Variants in VWA7 observed in about 807,000 individuals in gnomAD.
VWA7 encodes the protein von Willebrand factor A domain containing 7.
In VWA7, 66 loss-of-function variants were observed where a neutral mutation model predicts 83.1. The ratio of observed to expected loss-of-function variants is 0.79; its 90% CI spans 0.65 to 0.98. VWA7 has a LOEUF of 0.98. VWA7 is among the 50% of genes least tolerant of loss of function. VWA7 has a pLI of 0.00. For missense variants in VWA7, 1,080 were observed against 1,160.2 expected (o/e 0.93, Z 1.00); for synonymous variants, 424 against 488.5 (o/e 0.87, Z 1.74).
chr6:31,774,151 T>C (rs1304392168), intron 5 of VWA7, among the ~76,000 whole-genome samples: 3 of 75,602 alleles, frequency 4.0e-5, no homozygotes, highest in African/African-American at 1.6e-4. Flanking sequence ...CAAAACTCCA[T>C]CTCAAAAAAA....
In VWA7 at chr6:31,769,849, G is replaced by A; in HGVS notation, c.1201-58C>T. ...TGGCAGTAGGAGGGGAATGGGTAGA[G>A]CCACGGAGGATGAAGCAGAAGGGAA... On this transcript the variant is annotated intron_variant, in intron 8 of 16. Transcript: ENST00000375688. This position sits in a 1 kb window ranked among gnomAD's most constrained non-coding sequence, Gnocchi z 4.5. 5 of 1,545,050 alleles carry A rather than the reference G, an allele frequency of 3.2e-6. No individual in the cohort carries two copies. The highest frequency in any genetic ancestry group is 4.5e-6 in the Non-Finnish European group (5 of 1,118,810).
In VWA7 at chr6:31,772,887, C is replaced by A. The variant is rs1324781348; in HGVS notation, c.1087+67G>T. 3 of 1,540,634 alleles carry A rather than the reference C, an allele frequency of 1.9e-6. No individual in the cohort carries two copies. The African/African-American group carries it at 4.1e-5, about 21-fold the overall frequency. On this transcript the variant is annotated intron_variant, in intron 7 of 16. Coordinates refer to ENST00000375688, the MANE Select transcript of VWA7 (RefSeq NM_025258.3). ...GTGCTGGGATTACAGGCGTGAGCCA[C>A]CACGCCCAGTCTATCCCTTACCTTG...
In VWA7 at chr6:31,775,438, G is replaced by A. The variant is rs550783130; in HGVS notation, c.514-9C>T. The stretch of plus-strand genomic sequence containing the variant: ...CTATGACTGTAGAAATCCTGGTCCG[G>A]AGGACAGGAGAAGGGGAGTGAGGCA... On this transcript the variant is annotated splice_polypyrimidine_tract_variant and intron_variant, in intron 3 of 16. Transcript: ENST00000375688. This position sits in a 1 kb window ranked among gnomAD's most constrained non-coding sequence, Gnocchi z 5.9. 3.9e-5 allele frequency: 63 copies of A among 1,609,698 alleles called. No homozygotes were observed. The East Asian group carries it at 1.3e-3, about 33-fold the overall frequency.
chr6:31,775,443 CAGG>C lies in VWA7; in HGVS notation c.514-17_514-15del, dbSNP rs1173112408. ...ACTGTAGAAATCCTGGTCCGGAGGACAGGAGAAGGGGAGTGAGGCACTAGTCTG... is the reference window on the plus strand; with the variant it reads ...ACTGTAGAAATCCTGGTCCGGAGGACAGAAGGGGAGTGAGGCACTAGTCTG... On this transcript the variant is annotated splice_polypyrimidine_tract_variant and intron_variant, in intron 3 of 16. Coordinates refer to ENST00000375688, the MANE Select transcript of VWA7 (RefSeq NM_025258.3). The surrounding 1 kb of genome is among the most constrained non-coding windows in gnomAD (Gnocchi z 5.9). 4 of 1,609,008 alleles carry C rather than the reference CAGG, an allele frequency of 2.5e-6. No individual in the cohort carries two copies. The African/African-American group carries it at 5.3e-5, about 22-fold the overall frequency.
Position 31,769,130 on chromosome 6 carries a change from C to T in VWA7, c.1391G>A (p.Arg464His), listed in dbSNP as rs747940515. 9.3e-6 allele frequency: 15 copies of T among 1,612,996 alleles called. No homozygotes were observed. Among genetic ancestry groups the T allele is most frequent in the African/African-American group, 6.7e-5 (5 of 74,936 alleles). ...RARREILSPLRFEPYKAVALA... is the reference protein window; with the variant it reads ...RARREILSPLHFEPYKAVALA... ...GGCCACTGCTTTGTATGGCTCAAAA[C>T]GCAGAGGGGACAAGATCTCACGCCG... The change falls in exon 10 of 17, where the codon CGT (arginine) becomes CAT (histidine). Residue 464 changes from arginine (R) to histidine (H), a missense_variant. By Grantham distance (29) the Arg-to-His change is conservative. Coordinates refer to ENST00000375688, the MANE Select transcript of VWA7 (RefSeq NM_025258.3). This position sits in a 1 kb window ranked among gnomAD's most constrained non-coding sequence, Gnocchi z 4.5.
rs771237400 is a variant in VWA7 at position 31,766,791 on chromosome 6, C to T, written c.1883-27G>A. On this transcript the variant is annotated intron_variant, in intron 13 of 16. Transcript: ENST00000375688. The surrounding 1 kb of genome is among the most constrained non-coding windows in gnomAD (Gnocchi z 4.9). ...TGGGACAGGGGCGAGGAGGGGAGAA[C>T]ATTGTGAGATTCGGAGACACAGGGA... The T allele has an allele frequency of 1.4e-5, 22 of 1,574,870 alleles. No homozygotes were observed. The highest frequency in any genetic ancestry group is 9.5e-5 in the African/African-American group (7 of 73,828).
chr6:31,769,131 G>A lies in VWA7; in HGVS notation c.1390C>T (p.Arg464Cys), dbSNP rs375299130. ...GCCACTGCTTTGTATGGCTCAAAAC[G>A]CAGAGGGGACAAGATCTCACGCCGA... is the stretch of plus-strand genomic sequence containing the variant. ...RARREILSPL[R>C]FEPYKAVALA... Residue 464 changes from arginine to cysteine, a missense_variant, in exon 10 of 17, where the codon CGT becomes TGT. Arg to Cys is a radical substitution (Grantham distance 180). Coordinates refer to ENST00000375688, the MANE Select transcript of VWA7 (RefSeq NM_025258.3). This position sits in a 1 kb window ranked among gnomAD's most constrained non-coding sequence, Gnocchi z 4.5. 10 of 1,612,948 alleles carry A rather than the reference G, an allele frequency of 6.2e-6. No individual in the cohort carries two copies. The highest frequency in any genetic ancestry group is 4.0e-5 in the African/African-American group (3 of 74,912).
chr6:31,767,292 A>AT, intron 12 of VWA7, 42 bp from the exon 13 acceptor site: 1 of 1,612,838 alleles, frequency 6.2e-7, no homozygotes, highest in Non-Finnish European at 8.5e-7. Flanking sequence ...CCTGAAAGGA[A>AT]TGTGACTGAT....
rs1421303473 is a variant in VWA7 at position 31,776,519 on chromosome 6, G to A, written c.234+27C>T. 1 of 1,520,076 alleles carries A rather than the reference G, an allele frequency of 6.6e-7. No homozygotes were observed. Among genetic ancestry groups the A allele is most frequent in the Non-Finnish European group, 8.9e-7 (1 of 1,126,206 alleles). 94.2% of individuals were successfully genotyped at this position (1,520,076 alleles called of 1,614,324 possible). On this transcript the variant is annotated intron_variant, in intron 2 of 16. Coordinates refer to ENST00000375688, the MANE Select transcript of VWA7 (RefSeq NM_025258.3). The surrounding 1 kb of genome is among the most constrained non-coding windows in gnomAD (Gnocchi z 6.2). The stretch of plus-strand genomic sequence containing the variant: ...CCATGGAATTGGGGACTCTGGCAGG[G>A]GTGTGACAGGACCCTGGGATGCTCA...
Position 31,776,050 on chromosome 6 carries a change from C to G in VWA7, c.427G>C (p.Ala143Pro), listed in dbSNP as rs1212255224. The stretch of plus-strand genomic sequence containing the variant: ...GCTGCCACCACGGTCTCCCGCAGAG[C>G]CCCTACCAGGCGCGCGCGTCCCTGA... ...LGQGRARLVG[A>P]LRETVVAARA... is the part of the protein sequence containing the mutation. Residue 143 changes from alanine (A) to proline (P), a missense_variant, in exon 3 of 17, where the codon GCT (alanine) becomes CCT (proline). Physicochemically the swap from Ala to Pro is conservative, Grantham distance 27. Transcript: ENST00000375688. This position sits in a 1 kb window ranked among gnomAD's most constrained non-coding sequence, Gnocchi z 6.2. 1 of 1,613,638 alleles carries G rather than the reference C, an allele frequency of 6.2e-7. No individual in the cohort carries two copies. Among genetic ancestry groups the G allele is most frequent in the Non-Finnish European group, 8.5e-7 (1 of 1,180,026 alleles).
rs906303524 is a variant in VWA7, at chr6:31,770,051, G to A, written c.1150C>T (p.His384Tyr). Residue 384 changes from histidine to tyrosine, a missense_variant, in exon 8 of 17, where the codon CAT (histidine) becomes TAT (tyrosine). Transcript: ENST00000375688. Reference sequence around the variant, plus strand: ...GGCTCGTCTCCACCCCCCAAGGCATGGATCTCATTAAGCTGTTGCCAGAAG... The same window carrying A: ...GGCTCGTCTCCACCCCCCAAGGCATAGATCTCATTAAGCTGTTGCCAGAAG... ...DSFWQQLNEIHALGGGDEPEM... is the reference protein window; with the variant it reads ...DSFWQQLNEIYALGGGDEPEM... The A allele has an allele frequency of 1.2e-6, 2 of 1,612,776 alleles. No individual in the cohort carries two copies. The highest frequency in any genetic ancestry group is 2.7e-5 in the African/African-American group (2 of 74,850).
Position 31,766,152 on chromosome 6 carries a change from T to A in VWA7, c.2324+93A>T. The A allele has an allele frequency of 6.3e-7, 1 of 1,593,298 alleles. No individual in the cohort carries two copies. The highest frequency in any genetic ancestry group is 1.7e-5 in the Admixed American group (1 of 58,004). On this transcript the variant is annotated intron_variant, in intron 15 of 16. Coordinates refer to ENST00000375688, the MANE Select transcript of VWA7 (RefSeq NM_025258.3). The surrounding 1 kb of genome is among the most constrained non-coding windows in gnomAD (Gnocchi z 4.9). The stretch of plus-strand genomic sequence containing the variant: ...GGCACGGGAGCGGAGAGGAGGATTC[T>A]GAGGGCCAGTCGGAGGGGGACAGGG...
rs756674054 is a variant in VWA7 at position 31,774,638 on chromosome 6, G to T, written c.611-12C>A. On this transcript the variant is annotated splice_polypyrimidine_tract_variant and intron_variant, in intron 4 of 16. Transcript: ENST00000375688. Reference sequence around the variant, plus strand: ...GGTAGGATCGGCCACTGGGAAGAGAGGGCAGGGCTAGAACCCAAGATTCTG... The same window carrying T: ...GGTAGGATCGGCCACTGGGAAGAGATGGCAGGGCTAGAACCCAAGATTCTG... 6.2e-7 allele frequency: 1 copy of T among 1,609,100 alleles called. No homozygotes were observed. The highest frequency in any genetic ancestry group is 8.5e-7 in the Non-Finnish European group (1 of 1,177,878).
rs1812667815 is a variant in VWA7 at position 31,776,148 on chromosome 6, G to A, written c.329C>T (p.Ala110Val). 2 of 1,613,956 alleles carry A rather than the reference G, an allele frequency of 1.2e-6. No homozygotes were observed. The highest frequency in any genetic ancestry group is 1.3e-5 in the African/African-American group (1 of 74,922). ...TGGCAGGAAGTCCTGGGCTGCATTG[G>A]CACGAGACACCTCACCTAAGGCTGC... ...FRAALGEVSR[A>V]NAAQDFLPTS... is the part of the protein sequence containing the mutation. The change falls in exon 3 of 17, where the codon GCC becomes GTC. Residue 110 changes from alanine to valine, a missense_variant. Coordinates refer to ENST00000375688, the MANE Select transcript of VWA7 (RefSeq NM_025258.3). This position sits in a 1 kb window ranked among gnomAD's most constrained non-coding sequence, Gnocchi z 6.2.
intron 7 of VWA7, 64 bp downstream of exon 7, chr6:31,772,890 C>T (rs903737688): frequency 1.5e-5 from 24 of 1,549,624 alleles, no homozygotes; most frequent in East Asian, 4.5e-5. Context: ...TGAGCCACCA[C>T]GCCCAGTCTA....
At chr6:31,768,576 C>T (rs534238034) in intron 10 of VWA7, among the ~76,000 whole-genome samples, 83 of 152,196 alleles carry the variant, frequency 5.5e-4, no homozygotes, top group Non-Finnish European at 8.2e-4. Flanking sequence ...TGGTGGCTCG[C>T]GCCTGTAATC....
chr6:31,772,879 G>A (rs1011893138), intron 7 of VWA7, 75 bp downstream of exon 7: 574 of 1,528,972 alleles, frequency 3.8e-4, no homozygotes, highest in Non-Finnish European at 4.7e-4. Context: ...GATTACAGGC[G>A]TGAGCCACCA....
Position 31,775,674 on chromosome 6 carries a change from G to A in VWA7, c.514-245C>T, listed in dbSNP as rs1033768343. 3.3e-5 allele frequency among the ~76,000 whole-genome samples: 5 copies of A among 152,072 alleles called. No individual in the cohort carries two copies. The highest frequency in any genetic ancestry group is 5.9e-5 in the Non-Finnish European group (4 of 68,010). On this transcript the variant is annotated intron_variant, in intron 3 of 16. Transcript: ENST00000375688. This position sits in a 1 kb window ranked among gnomAD's most constrained non-coding sequence, Gnocchi z 5.9. ...CAGAGTCTAACCCAAGGCCTCTCTC[G>A]GCCTGCAGAGTCCTGCTGCGTGTGC... is the stretch of plus-strand genomic sequence containing the variant.
chr6:31,774,583 G>A lies in VWA7; in HGVS notation c.654C>T (p.Pro218=). Residue 218 remains proline (P), a synonymous_variant, in exon 5 of 17, where the codon CCC becomes CCT. Coordinates refer to ENST00000375688, the MANE Select transcript of VWA7 (RefSeq NM_025258.3). Reference sequence around the variant, plus strand: ...GGAGTGTGAAGCCCAGCCAATTCCTGGGGCAGCTCAACTCCTCGCAATCGG... The same window carrying A: ...GGAGTGTGAAGCCCAGCCAATTCCTAGGGCAGCTCAACTCCTCGCAATCGG... ...TCSDCEELSC[P]RNWLGFTLLT... is the part of the protein sequence containing the mutation. The A allele has an allele frequency of 6.2e-7, 1 of 1,612,860 alleles. No homozygotes were observed. Among genetic ancestry groups the A allele is most frequent in the Non-Finnish European group, 8.5e-7 (1 of 1,179,964 alleles).
Sources: allele counts gnomAD v4.1 joint callset (sites outside exome capture counted in the v4.1 genomes callset), GRCh38; gene constraint gnomAD v4.1.1; non-coding constraint Gnocchi (gnomAD v3.1); transcripts MANE v1.5; gene names NCBI Gene and HGNC (gene_info 2026-07-23, HGNC 2026-07-21).